The following SCN3A variants were observed in gnomAD, a reference collection of about 807,000 sequenced individuals.
SCN3A encodes the protein sodium channel protein type 3 subunit alpha.
In SCN3A, 60 loss-of-function variants were observed where a neutral mutation model predicts 187.6. The ratio of observed to expected loss-of-function variants is 0.32; its 90% confidence interval spans 0.26 to 0.40. SCN3A has a LOEUF of 0.40. Ranked by LOEUF, SCN3A falls within the 10% of genes least tolerant of loss-of-function variation. The pLI, the probability that SCN3A is intolerant of heterozygous loss-of-function variation, is 1.00. For missense variants in SCN3A, 1,601 were observed against 2,428.2 expected, an observed-to-expected ratio of 0.66 and a Z score of 7.16; for synonymous variants, 788 against 829.2, an observed-to-expected ratio of 0.95 and a Z score of 0.85.
At chr2:165,202,536 C>G (rs970378639) in intron 1 of SCN3A, among the ~76,000 whole-genome samples, 1 of 151,906 alleles carries the variant, frequency 6.6e-6, no homozygotes, top group Non-Finnish European at 1.5e-5. Flanking sequence ...TAGACAAGAC[C>G]CAGGGCTCTC....
chr2:165,114,582 G>A (rs1341971686), intron 19 of SCN3A, among the ~76,000 whole-genome samples: 1 of 152,146 alleles, frequency 6.6e-6, no homozygotes, highest in African/African-American at 2.4e-5. Context: ...CTACTCATCT[G>A]ATTAAGTCCA....
At chr2:165,103,919 C>T (rs567313551) in intron 21 of SCN3A, among the ~76,000 whole-genome samples, 1 of 152,004 alleles carries the variant, frequency 6.6e-6, no homozygotes, top group East Asian at 1.9e-4. Context: ...AAAGAGTATG[C>T]CCATCAACAA....
chr2:165,154,941 G>A (rs548343698), intron 10 of SCN3A, among the ~76,000 whole-genome samples: 2 of 152,262 alleles, frequency 1.3e-5, no homozygotes, highest in East Asian at 3.9e-4. Context: ...TTCATATGCA[G>A]AGCAATAATA....
At chr2:165,149,233 T>C (rs1006105887) in intron 11 of SCN3A, among the ~76,000 whole-genome samples, 5 of 151,570 alleles carry the variant, frequency 3.3e-5, no homozygotes, top group African/African-American at 9.7e-5. Context: ...TGGAGTGCAA[T>C]GGCATGATCT....
chr2:165,147,164 AC>A, intron 11 of SCN3A, 135 bp from the exon 12 acceptor site: 1 of 979,882 alleles, frequency 1.0e-6, no homozygotes, highest in Non-Finnish European at 1.5e-6. Flanking sequence ...ATTTTGTCTC[AC>A]CACAAGAGTT....
intron 18 of SCN3A, among the ~76,000 whole-genome samples, chr2:165,116,535 T>C (rs1476881507): frequency 1.3e-5 from 2 of 152,188 alleles, no homozygotes; most frequent in Non-Finnish European, 2.9e-5. Context: ...TGCATGGACA[T>C]GTTAATGATT....
rs1460604182 is a variant in SCN3A at position 165,089,970 on chromosome 2, C to G, written c.*180G>C. Reference sequence around the variant, plus strand: ...GCAACCTCTTGTCAATGTTGATACCCTGCTTCACAGAGTTGCAGTGACAGA... The same window carrying G: ...GCAACCTCTTGTCAATGTTGATACCGTGCTTCACAGAGTTGCAGTGACAGA... On this transcript the variant is annotated 3_prime_UTR_variant, in exon 28 of 28. Coordinates refer to ENST00000283254, the MANE Select transcript of SCN3A (RefSeq NM_006922.4). 1.3e-6 allele frequency: 1 copy of G among 799,212 alleles called. No individual in the cohort carries two copies. The highest frequency in any genetic ancestry group is 1.9e-6 in the Non-Finnish European group (1 of 519,904). The allele number at this position is 799,212 out of a possible 1,614,324, so 49.5% of individuals were successfully genotyped here.
intron 2 of SCN3A, 121 bp from the exon 3 acceptor site, chr2:165,176,565 G>C: frequency 1.4e-6 from 1 of 707,426 alleles, no homozygotes; most frequent in South Asian, 1.7e-5. Flanking sequence ...CATGCTTTTA[G>C]TACTGCACTA....
At chr2:165,135,256 G>A (rs1439806) in intron 15 of SCN3A, among the ~76,000 whole-genome samples, 43,503 of 151,808 alleles carry the variant, frequency 0.29, 7,007 homozygotes, top group East Asian at 0.5. Context: ...ACAAAAATAC[G>A]GAGCACCTTA....
At chr2:165,143,752 G>A (rs115445501) in intron 12 of SCN3A, among the ~76,000 whole-genome samples, 2,912 of 152,222 alleles carry the variant, frequency 0.019, 38 homozygotes, top group Non-Finnish European at 0.028. Context: ...GAAGATAAAT[G>A]TAGACTGTTT....
chr2:165,155,971 T>C (rs1371658053), intron 9 of SCN3A, 68 bp from the exon 10 acceptor site: 30 of 1,600,190 alleles, frequency 1.9e-5, no homozygotes, highest in South Asian at 1.1e-4. Context: ...ATTTGACTTA[T>C]AGGAATTTTC....
At chr2:165,108,922 A>G (rs551811217) in intron 21 of SCN3A, among the ~76,000 whole-genome samples, 8 of 152,118 alleles carry the variant, frequency 5.3e-5, no homozygotes, top group Non-Finnish European at 1.0e-4. Context: ...TTCCATCCTG[A>G]AGTATCATAC....
In SCN3A at chr2:165,097,177, C is replaced by T. The variant is rs115105482; in HGVS notation, c.4239+75G>A. Reference sequence around the variant, plus strand: ...TGCTGTCAAATGTTAGTCATTCAAACGAAGAACATCAGGGAAATAATCTTC... The same window carrying T: ...TGCTGTCAAATGTTAGTCATTCAAATGAAGAACATCAGGGAAATAATCTTC... On this transcript the variant is annotated intron_variant, in intron 23 of 27. Coordinates refer to ENST00000283254, the MANE Select transcript of SCN3A (RefSeq NM_006922.4). The T allele has an allele frequency of 1.7e-3, 2,705 of 1,561,260 alleles. 29 individuals carry two copies. The African/African-American group carries it at 0.023, about 13-fold the overall frequency.
rs193004956 is a variant in SCN3A at position 165,096,691 on chromosome 2, C to T, written c.4240-171G>A. Among the ~76,000 whole-genome samples, 21 of 152,194 alleles carry T rather than the reference C, an allele frequency of 1.4e-4. No homozygotes were observed. In the East Asian group the frequency reaches 3.9e-3, roughly 28 times the overall value. Reference sequence around the variant, plus strand: ...ATAGAAAAACATTTGTATTTAAAGTCTGGAACTTGTTTCCTTTTTTTTCTT... The same window carrying T: ...ATAGAAAAACATTTGTATTTAAAGTTTGGAACTTGTTTCCTTTTTTTTCTT... On this transcript the variant is annotated intron_variant, in intron 23 of 27. Coordinates refer to ENST00000283254, the MANE Select transcript of SCN3A (RefSeq NM_006922.4).
At chr2:165,111,506 C>T (rs1159985070) in intron 21 of SCN3A, among the ~76,000 whole-genome samples, 1 of 150,860 alleles carries the variant, frequency 6.6e-6, no homozygotes, top group African/African-American at 2.4e-5. Context: ...CACACACACA[C>T]ACACACACAC....
intron 1 of SCN3A, among the ~76,000 whole-genome samples, chr2:165,199,248 A>G (rs1373024278): frequency 6.6e-6 from 1 of 152,004 alleles, no homozygotes; most frequent in Non-Finnish European, 1.5e-5. Context: ...TAATTAAGGG[A>G]CCATCATTTC....
chr2:165,130,269 A>G lies in SCN3A; in HGVS notation c.2593T>C (p.Trp865Arg). The G allele has an allele frequency of 6.2e-7, 1 of 1,614,192 alleles. No homozygotes were observed. Among genetic ancestry groups the G allele is most frequent in the East Asian group, 2.2e-5 (1 of 44,878 alleles). Residue 865 changes from tryptophan to arginine, a missense_variant, in exon 17 of 28, where the codon TGG becomes CGG. Around this residue, in one of 11 missense-constraint regions of SCN3A, gnomAD observed 91 missense variants for 207.0 expected, o/e 0.44. Transcript: ENST00000283254. ...LLRVFKLAKS[W>R]PTLNMLIKII... ...TTAATTAGCATATTTAGTGTGGGCC[A>G]GGATTTTGCCAACTTGAAAACTCTA...
chr2:165,153,987 A>AT (rs71393659), intron 11 of SCN3A, among the ~76,000 whole-genome samples: 17,425 of 92,606 alleles, frequency 0.19, 2,306 homozygotes, highest in South Asian at 0.3. Context: ...TATAGCAAAC[A>AT]TTTTTTTTTT....
At chr2:165,130,380 C>A in intron 16 of SCN3A, 84 bp from the exon 17 acceptor site, 1 of 1,434,436 alleles carries the variant, frequency 7.0e-7, no homozygotes, top group Admixed American at 1.8e-5. Context: ...TATCATAGAA[C>A]CACACGTGGT....
Sources: allele counts gnomAD v4.1 joint callset (sites outside exome capture counted in the v4.1 genomes callset), GRCh38; gene constraint gnomAD v4.1.1; regional missense constraint gnomAD v4.1.1; transcripts MANE v1.5; gene names NCBI Gene and HGNC (gene_info 2026-07-23, HGNC 2026-07-21).